The following REV3L variants were observed in gnomAD, a reference collection of about 807,000 sequenced individuals.
REV3L encodes the protein DNA polymerase zeta catalytic subunit.
Under a neutral mutation model 299.4 loss-of-function variants are expected in REV3L, and 69 were observed. The observed-to-expected ratio is 0.23, with a 90% confidence interval of 0.19 to 0.28. The LOEUF is 0.28. Among genes scored for constraint, REV3L ranks in the 10% least tolerant of loss-of-function variants. The pLI is 1.00. For synonymous variants in REV3L, 1,238 were observed against 1,271.4 expected, an observed-to-expected ratio of 0.97 and a Z score of 0.56; for missense variants, 3,128 against 3,693.8, an observed-to-expected ratio of 0.85 and a Z score of 3.97.
At chr6:111,309,789 C>A in intron 30 of REV3L, 64 bp downstream of exon 30, 1 of 1,550,804 alleles carries the variant, frequency 6.4e-7, no homozygotes, top group Non-Finnish European at 8.7e-7. Flanking sequence ...ACCTTTAGTT[C>A]TACTGAAAAT....
rs577886249 is a variant in REV3L at position 111,324,884 on chromosome 6, T to C, written c.8242-2206A>G. 1.3e-4 allele frequency among the ~76,000 whole-genome samples: 20 copies of C among 150,450 alleles called. No homozygotes were observed. In the South Asian group the frequency reaches 1.7e-3, roughly 13 times the overall value. On this transcript the variant is annotated intron_variant, in intron 25 of 31. Coordinates refer to ENST00000368802, the MANE Select transcript of REV3L (RefSeq NM_001372078.1). ...CAAAAGTCTTTTTTTTTTTTTGAGA[T>C]GGAGTCTCACTCTGTCGCCCAGGCT...
intron 31 of REV3L, among the ~76,000 whole-genome samples, chr6:111,305,255 T>C (rs1444246175): frequency 1.3e-5 from 2 of 152,200 alleles, no homozygotes; most frequent in African/African-American, 4.8e-5. Context: ...TTTATTCTTT[T>C]TTTATGGCTG....
At chr6:111,369,526 A>G (rs1779571088) in intron 13 of REV3L, among the ~76,000 whole-genome samples, 1 of 152,084 alleles carries the variant, frequency 6.6e-6, no homozygotes, top group African/African-American at 2.4e-5. Flanking sequence ...CATAATATCT[A>G]TAGTGGCAAA....
At chr6:111,341,762 G>GA (rs200854646) in intron 21 of REV3L, among the ~76,000 whole-genome samples, 8 of 151,974 alleles carry the variant, frequency 5.3e-5, no homozygotes, top group South Asian at 2.1e-4. Flanking sequence ...GAGTTGGGGG[G>GA]GGTCAGAAGT....
At chr6:111,457,305 C>T (rs1314649893) in intron 1 of REV3L, among the ~76,000 whole-genome samples, 1 of 151,848 alleles carries the variant, frequency 6.6e-6, no homozygotes, top group East Asian at 1.9e-4. Context: ...AAATGACATT[C>T]AAGTGATCTA....
At chr6:111,447,754 T>C (rs191055114) in intron 1 of REV3L, among the ~76,000 whole-genome samples, 1 of 152,310 alleles carries the variant, frequency 6.6e-6, no homozygotes, top group East Asian at 1.9e-4. Context: ...TCACAGACTA[T>C]AGTTGGTCAA....
intron 25 of REV3L, among the ~76,000 whole-genome samples, chr6:111,328,290 A>T (rs1388822367): frequency 6.6e-6 from 1 of 152,214 alleles, no homozygotes; most frequent in Non-Finnish European, 1.5e-5. Context: ...GTATTAATAG[A>T]GGCAAGGGCT....
intron 1 of REV3L, among the ~76,000 whole-genome samples, chr6:111,472,377 G>A (rs996281388): frequency 1.3e-5 from 2 of 151,690 alleles, no homozygotes; most frequent in Non-Finnish European, 2.9e-5. Context: ...GTAATAAATG[G>A]AAGAAAAATA....
chr6:111,430,845 AAAG>A (rs1479366750), intron 1 of REV3L: 4 of 1,607,420 alleles, frequency 2.5e-6, no homozygotes, highest in Non-Finnish European at 2.6e-6. Context: ...TGCAAATTGG[AAAG>A]AAGAAAACCA....
intron 1 of REV3L, among the ~76,000 whole-genome samples, chr6:111,440,949 A>T (rs1408801918): frequency 6.6e-6 from 1 of 152,264 alleles, no homozygotes; most frequent in Non-Finnish European, 1.5e-5. Context: ...GTTTGTGAAC[A>T]GAAGTCCGAT....
chr6:111,439,676 G>GGATTTTAT (rs1349483599), intron 1 of REV3L, among the ~76,000 whole-genome samples: 1 of 152,148 alleles, frequency 6.6e-6, no homozygotes, highest in Non-Finnish European at 1.5e-5. Flanking sequence ...GACAGAAAAT[G>GGATTTTAT]GATTTTATGT....
intron 4 of REV3L, among the ~76,000 whole-genome samples, chr6:111,397,608 A>G (rs1426924524): frequency 6.6e-6 from 1 of 152,102 alleles, no homozygotes; most frequent in African/African-American, 2.4e-5. Flanking sequence ...ATGTTCTGTA[A>G]ATGTCTGTTA....
intron 1 of REV3L, among the ~76,000 whole-genome samples, chr6:111,416,814 G>A (rs1015078382): frequency 1.3e-5 from 2 of 152,148 alleles, no homozygotes; most frequent in Non-Finnish European, 2.9e-5. Flanking sequence ...ACAGTGTTAT[G>A]AAGGTTACAA....
At chr6:111,321,869 T>C (rs1774229131) in intron 26 of REV3L, among the ~76,000 whole-genome samples, 1 of 152,208 alleles carries the variant, frequency 6.6e-6, no homozygotes, top group South Asian at 2.1e-4. Flanking sequence ...TGTAAGAAAT[T>C]TGAATAGTGC....
intron 20 of REV3L, among the ~76,000 whole-genome samples, chr6:111,345,615 T>G (rs577457444): frequency 6.6e-6 from 1 of 152,228 alleles, no homozygotes; most frequent in South Asian, 2.1e-4. Flanking sequence ...CAAAATCTCA[T>G]GCATCCCATT....
At chr6:111,387,627 A>C in intron 9 of REV3L, 138 bp downstream of exon 9, 1 of 725,970 alleles carries the variant, frequency 1.4e-6, no homozygotes, top group Non-Finnish European at 2.2e-6. Context: ...AGGGTGACAG[A>C]ATGGGAGAAA....
chr6:111,349,286 A>G lies in REV3L; in HGVS notation c.7351T>C (p.Tyr2451His). The G allele has an allele frequency of 6.2e-7, 1 of 1,608,794 alleles. No homozygotes were observed. Among genetic ancestry groups the G allele is most frequent in the Non-Finnish European group, 8.5e-7 (1 of 1,176,462 alleles). The change falls in exon 20 of 32, where the codon TAT becomes CAT. Residue 2451 changes from tyrosine to histidine, a missense_variant. By Grantham distance (83) the Tyr-to-His change is moderately conservative. This residue lies in a region of REV3L where 50 missense variants were observed against 48.2 expected (regional missense o/e 1.04). Transcript: ENST00000368802. ...ACAATATTTATCTCACTCATTGTAT[A>G]TGATCCATACTCATCTCTTTCAGCT... Reference protein sequence around the residue: ...FAAERDEYGSYTMSEINIVGR... With the variant: ...FAAERDEYGSHTMSEINIVGR...
intron 1 of REV3L, among the ~76,000 whole-genome samples, chr6:111,470,275 TG>T (rs1257661176): frequency 6.6e-6 from 1 of 152,148 alleles, no homozygotes; most frequent in Non-Finnish European, 1.5e-5. Context: ...TATCAAATTC[TG>T]GAAGTGTTAG....
intron 1 of REV3L, chr6:111,430,678 C>T (rs187522778): frequency 1.7e-4 from 256 of 1,521,876 alleles, no homozygotes; most frequent in Non-Finnish European, 1.8e-4. Context: ...CCAAAGCACA[C>T]GCCTTCAAGA....
Sources: gnomAD v4.1 joint callset for allele counts (sites outside exome capture counted in the v4.1 genomes callset) on GRCh38, gnomAD v4.1.1 for gene constraint, gnomAD v4.1.1 regional missense constraint, MANE v1.5 for transcripts, NCBI Gene and HGNC (gene_info 2026-07-23, HGNC 2026-07-21) for gene names.